TSG101: variants seen among roughly 807,000 people sequenced by gnomAD.
TSG101 encodes the protein tumor susceptibility 101, also known as tumor susceptibility gene 101 protein.
In TSG101, 19 loss-of-function variants were observed where a neutral mutation model predicts 48.5. That is an observed-to-expected ratio of 0.39 (90% CI 0.27 to 0.58). The LOEUF is 0.58. Ranked by LOEUF, TSG101 falls within the 20% of genes least tolerant of loss-of-function variation. The probability of loss-of-function intolerance (pLI) is 0.55; values close to 1 mark genes in which losing one functional copy is unlikely to be tolerated. For synonymous variants in TSG101, 174 were observed against 169.4 expected, an observed-to-expected ratio of 1.03 and a Z score of -0.21; for missense variants, 365 against 484.4, an observed-to-expected ratio of 0.75 and a Z score of 2.31.
At chr11:18,522,196 A>T (rs1850289505) in intron 1 of TSG101, among the ~76,000 whole-genome samples, 1 of 152,172 alleles carries the variant, frequency 6.6e-6, no homozygotes, top group African/African-American at 2.4e-5. Context: ...GAAACCCTTA[A>T]ATTAAAATTT....
chr11:18,492,109 G>A (rs1849707133), intron 7 of TSG101, among the ~76,000 whole-genome samples: 1 of 152,202 alleles, frequency 6.6e-6, no homozygotes. Context: ...GACTATTGAA[G>A]ATTTCATTAA....
intron 7 of TSG101, among the ~76,000 whole-genome samples, chr11:18,499,359 TATATAA>T (rs1849845099): frequency 1.0e-5 from 1 of 98,512 alleles, no homozygotes; most frequent in African/African-American, 3.6e-5. Context: ...TATATGTTTA[TATATAA>T]ATATGTTTAT....
intron 4 of TSG101, among the ~76,000 whole-genome samples, chr11:18,510,399 C>T (rs11603992): frequency 0.2 from 30,013 of 151,948 alleles, 3,105 homozygotes; most frequent in East Asian, 0.25. Flanking sequence ...CCATCCTAGG[C>T]GACAGAGCAA....
chr11:18,521,670 C>CTTTT (rs869176661), intron 1 of TSG101, among the ~76,000 whole-genome samples: 8 of 66,688 alleles, frequency 1.2e-4, no homozygotes, highest in East Asian at 5.5e-4. Context: ...TGGCCCCTTC[C>CTTTT]TTTTTTTTTT....
intron 1 of TSG101, chr11:18,525,593 T>C (rs1259243628): frequency 2.8e-6 from 1 of 361,734 alleles, no homozygotes; most frequent in Non-Finnish European, 3.8e-6. Context: ...TTCAGTTACA[T>C]ACTATGTAAA....
chr11:18,517,585 G>A (rs1212704688), intron 2 of TSG101, among the ~76,000 whole-genome samples: 1 of 152,192 alleles, frequency 6.6e-6, no homozygotes, highest in Non-Finnish European at 1.5e-5. Flanking sequence ...TATTTTTACT[G>A]TAACTTTTCT....
In TSG101 at chr11:18,496,442, A is replaced by AAAAATAAAATAAAATAAAAT. The variant is rs201480350; in HGVS notation, c.640+6024_640+6043dup. ...GGGTGGCAGAGCGAAACTCTGTCTC[A>AAAAATAAAATAAAATAAAAT]AAAATAAAATAAAATAAAATAAAAT... is the stretch of plus-strand genomic sequence containing the variant. On this transcript the variant is annotated intron_variant, in intron 7 of 9. Coordinates refer to ENST00000251968, the MANE Select transcript of TSG101 (RefSeq NM_006292.4). Among the ~76,000 whole-genome samples the AAAAATAAAATAAAATAAAAT allele has an allele frequency of 1.1e-4, 12 of 110,186 alleles. 1 individual carries two copies. The highest frequency in any genetic ancestry group is 1.6e-4 in the African/African-American group (5 of 31,030). The allele number at this position is 110,186 out of a possible 152,430, so 72.3% of individuals were successfully genotyped here. A position where few individuals can be genotyped will look rare whatever the true frequency, so the allele number is the denominator to read the frequency against.
chr11:18,486,489 C>T (rs2133904152), intron 7 of TSG101, among the ~76,000 whole-genome samples: 1 of 152,330 alleles, frequency 6.6e-6, no homozygotes, highest in East Asian at 1.9e-4. Flanking sequence ...TTAAAAATTT[C>T]TTATGCAGCC....
In TSG101 at chr11:18,514,688, T is replaced by G; in HGVS notation, c.347A>C (p.Glu116Ala). The change falls in exon 4 of 10, where the codon GAA becomes GCA. Residue 116 changes from glutamate (E) to alanine (A), a missense_variant. Transcript: ENST00000251968. Reference sequence around the variant, plus strand: ...ACTATGAATACTTACGTGTTTCCATTCATGTAGATAAGGAAGATATATCTT... The same window carrying G: ...ACTATGAATACTTACGTGTTTCCATGCATGTAGATAAGGAAGATATATCTT... ...NGKIYLPYLH[E>A]WKHPQSDLLG... The G allele has an allele frequency of 6.4e-7, 1 of 1,572,838 alleles. No homozygotes were observed. The highest frequency in any genetic ancestry group is 8.6e-7 in the Non-Finnish European group (1 of 1,167,634).
At chr11:18,488,167 C>T (rs192317073) in intron 7 of TSG101, among the ~76,000 whole-genome samples, 1 of 152,278 alleles carries the variant, frequency 6.6e-6, no homozygotes, top group Admixed American at 6.5e-5. Flanking sequence ...GGCTTAGCTC[C>T]ACATTCACTA....
intron 6 of TSG101, among the ~76,000 whole-genome samples, chr11:18,503,196 C>A (rs1250089377): frequency 6.6e-6 from 1 of 152,088 alleles, no homozygotes; most frequent in African/African-American, 2.4e-5. Flanking sequence ...TTATAACATC[C>A]CTGACAAATG....
chr11:18,489,872 A>C (rs1348822112), intron 7 of TSG101, among the ~76,000 whole-genome samples: 1 of 152,242 alleles, frequency 6.6e-6, no homozygotes, highest in Non-Finnish European at 1.5e-5. Flanking sequence ...ATTGTATTTC[A>C]ATGATTCTGG....
chr11:18,499,646 C>T (rs955424766), intron 7 of TSG101, among the ~76,000 whole-genome samples: 1 of 150,668 alleles, frequency 6.6e-6, no homozygotes, highest in East Asian at 2.0e-4. Flanking sequence ...CTCCTGACCT[C>T]GCAATCTGCC....
In TSG101 at chr11:18,491,877, A is replaced by C. The variant is rs577892708; in HGVS notation, c.641-7805T>G. Among the ~76,000 whole-genome samples, 4 of 152,358 alleles carry C rather than the reference A, an allele frequency of 2.6e-5. No individual in the cohort carries two copies. In the South Asian group the frequency reaches 8.3e-4, roughly 32 times the overall value. On this transcript the variant is annotated intron_variant, in intron 7 of 9. Transcript: ENST00000251968. ...GCAACACATCTTTCCACACTCACTG[A>C]ACATACAGATTAAAATACGTCAGAG...
At chr11:18,517,786 T>C (rs1850204659) in intron 2 of TSG101, among the ~76,000 whole-genome samples, 1 of 152,210 alleles carries the variant, frequency 6.6e-6, no homozygotes, top group African/African-American at 2.4e-5. Flanking sequence ...TCTCAGACCA[T>C]ATCTCTATCA....
At position 18,490,862 on chromosome 11, in the gene TSG101, G is replaced by C. The variant is rs757862023; in HGVS notation, c.641-6790C>G. 3 of 529,028 alleles carry C rather than the reference G, an allele frequency of 5.7e-6. No homozygotes were observed. The East Asian group carries it at 1.5e-4, about 26-fold the overall frequency. The allele number at this position is 529,028 out of a possible 1,614,324, so 32.8% of individuals were successfully genotyped here. On this transcript the variant is annotated intron_variant, in intron 7 of 9. Coordinates refer to ENST00000251968, the MANE Select transcript of TSG101 (RefSeq NM_006292.4). Reference sequence around the variant, plus strand: ...CTCTTCGTTGGAGTATTCATGCCTCGTTCTGTGACTGCCTTCGTGACTACA... The same window carrying C: ...CTCTTCGTTGGAGTATTCATGCCTCCTTCTGTGACTGCCTTCGTGACTACA...
chr11:18,525,679 T>C (rs977710468), intron 1 of TSG101: 61 of 985,074 alleles, frequency 6.2e-5, no homozygotes, highest in Non-Finnish European at 7.0e-5. Context: ...CAATCTTCTA[T>C]GGCTTCCCAT....
intron 3 of TSG101, among the ~76,000 whole-genome samples, chr11:18,515,342 A>G (rs1231647796): frequency 6.6e-6 from 1 of 152,214 alleles, no homozygotes; most frequent in Non-Finnish European, 1.5e-5. Context: ...CCTTATGAAT[A>G]GCAGGTACTA....
intron 8 of TSG101, among the ~76,000 whole-genome samples, chr11:18,482,206 G>A (rs1849551527): frequency 1.3e-5 from 2 of 152,186 alleles, no homozygotes. Context: ...AATCATAAGA[G>A]GTTTTTCTTC....
Sources: gnomAD v4.1 joint callset for allele counts (sites outside exome capture counted in the v4.1 genomes callset) on GRCh38, gnomAD v4.1.1 for gene constraint, MANE v1.5 for transcripts, NCBI Gene and HGNC (gene_info 2026-07-23, HGNC 2026-07-21) for gene names.